Variants in WNT3 observed in about 807,000 individuals in gnomAD.
The protein encoded by WNT3 is proto-oncogene Wnt-3.
WNT3 carries 7 observed loss-of-function variants against 34.2 expected under a neutral mutation model. The ratio of observed to expected loss-of-function variants is 0.20; its 90% CI spans 0.12 to 0.38. The LOEUF is 0.38. WNT3 is among the 10% of genes least tolerant of loss of function. The pLI, the probability that WNT3 is intolerant of heterozygous loss-of-function variation, is 1.00. For missense variants in WNT3, 267 were observed against 499.8 expected, an observed-to-expected ratio of 0.53 and a Z score of 4.44; for synonymous variants, 212 against 211.5, an observed-to-expected ratio of 1.00 and a Z score of -0.02.
At chr17:46,771,310 T>C (rs916165773) in intron 2 of WNT3, among the ~76,000 whole-genome samples, 3 of 151,798 alleles carry the variant, frequency 2.0e-5, no homozygotes, top group African/African-American at 7.3e-5. Context: ...GGCCTCGGGG[T>C]CCCAGCCGCG....
At chr17:46,813,261 A>G (rs902709038) in intron 1 of WNT3, among the ~76,000 whole-genome samples, 2 of 151,852 alleles carry the variant, frequency 1.3e-5, no homozygotes, top group African/African-American at 4.8e-5. Flanking sequence ...GGACCCCTCC[A>G]TGTGGTTAAG....
intron 4 of WNT3, among the ~76,000 whole-genome samples, chr17:46,767,782 T>G (rs1047238415): frequency 2.0e-5 from 3 of 151,828 alleles, no homozygotes; most frequent in Non-Finnish European, 4.4e-5. Context: ...TGTTTTTTTT[T>G]GTTTGTTTGT....
chr17:46,764,828 G>C (rs1444227282), intron 4 of WNT3, among the ~76,000 whole-genome samples: 1 of 152,166 alleles, frequency 6.6e-6, no homozygotes, highest in African/African-American at 2.4e-5. Flanking sequence ...GAGCAGTAAG[G>C]CTTTCGAGTC....
At chr17:46,806,715 G>A (rs1328268061) in intron 1 of WNT3, among the ~76,000 whole-genome samples, 1 of 152,260 alleles carries the variant, frequency 6.6e-6, no homozygotes, top group Non-Finnish European at 1.5e-5. Flanking sequence ...CAGGGACTGG[G>A]TGGGGTGACC....
intron 1 of WNT3, among the ~76,000 whole-genome samples, chr17:46,783,180 TG>T (rs1312873525): frequency 1.3e-5 from 2 of 151,228 alleles, no homozygotes; most frequent in Non-Finnish European, 3.0e-5. Context: ...GAGGGTAGAG[TG>T]GGTGCAGGCC....
intron 1 of WNT3, among the ~76,000 whole-genome samples, chr17:46,798,885 TA>T (rs2084088082): frequency 6.6e-6 from 1 of 151,868 alleles, no homozygotes; most frequent in African/African-American, 2.4e-5. Flanking sequence ...CCATCTCTAC[TA>T]AAAATACAAA....
At chr17:46,783,686 C>T (rs1298168453) in intron 1 of WNT3, among the ~76,000 whole-genome samples, 4 of 152,142 alleles carry the variant, frequency 2.6e-5, no homozygotes, top group Non-Finnish European at 5.9e-5. Context: ...GTCCTCACTG[C>T]CTCTGGAGGG....
At chr17:46,801,578 C>T (rs905201441) in intron 1 of WNT3, among the ~76,000 whole-genome samples, 1 of 125,086 alleles carries the variant, frequency 8.0e-6, no homozygotes, top group African/African-American at 3.0e-5. Context: ...TGTGATTGCG[C>T]CATTACACTC....
intron 4 of WNT3, among the ~76,000 whole-genome samples, chr17:46,766,321 T>C (rs1029574172): frequency 6.6e-6 from 1 of 151,140 alleles, no homozygotes; most frequent in African/African-American, 2.4e-5. Flanking sequence ...GGCAGGAGAA[T>C]CGCTTGAACC....
At chr17:46,774,898 A>C (rs1456591782) in intron 1 of WNT3, among the ~76,000 whole-genome samples, 4 of 152,222 alleles carry the variant, frequency 2.6e-5, no homozygotes, top group African/African-American at 9.7e-5. Context: ...GGACAATTGC[A>C]ATCTGCTGTA....
chr17:46,764,669 G>A (rs765368855), intron 4 of WNT3, 48 bp from the exon 5 acceptor site: 5 of 152,254 alleles, frequency 3.3e-5, no homozygotes, highest in African/African-American at 1.2e-4. Flanking sequence ...TCCATTCCCA[G>A]AGACCACCCA....
In WNT3 at chr17:46,769,960, G is replaced by A. The variant is rs2059348946; in HGVS notation, c.411C>T (p.Thr137=). The change falls in exon 3 of 5, where the codon ACC becomes ACT. Residue 137 remains threonine, a synonymous_variant. Transcript: ENST00000225512. ...VTRSCAEGTS[T]ICGCDSHHKG... ...TATGATGCGAGTCACAGCCGCAAAT[G>A]GTGGAGGTGCCCTCGGCGCAGGAGC... is the stretch of plus-strand genomic sequence containing the variant. 1 of 1,612,902 alleles carries A rather than the reference G, an allele frequency of 6.2e-7. No individual in the cohort carries two copies. The highest frequency in any genetic ancestry group is 8.5e-7 in the Non-Finnish European group (1 of 1,179,696).
chr17:46,784,456 G>T (rs1294255174), intron 1 of WNT3, among the ~76,000 whole-genome samples: 1 of 152,106 alleles, frequency 6.6e-6, no homozygotes, highest in East Asian at 1.9e-4. Context: ...TCTTGGCTGT[G>T]GGCACACGGT....
intron 2 of WNT3, among the ~76,000 whole-genome samples, chr17:46,771,551 T>A (rs1200837180): frequency 6.7e-6 from 1 of 148,368 alleles, no homozygotes; most frequent in Non-Finnish European, 1.5e-5. Context: ...AGCCCCGCTG[T>A]GCCTTCCCCG....
At chr17:46,790,457 C>T (rs1385712416) in intron 1 of WNT3, among the ~76,000 whole-genome samples, 2 of 152,054 alleles carry the variant, frequency 1.3e-5, no homozygotes, top group African/African-American at 2.4e-5. Flanking sequence ...TCCTCCCTCC[C>T]TCCCTCAAGG....
Position 46,765,541 on chromosome 17 carries a change from C to T in WNT3, c.*9-920G>A, listed in dbSNP as rs531050079. ...GGCCCGGGGCCTGCTCTGCGACTCC[C>T]TTCTCTCTCCTGCCTGCACTGCCAA... On this transcript the variant is annotated intron_variant, in intron 4 of 4. Coordinates refer to ENST00000225512, the MANE Select transcript of WNT3 (RefSeq NM_030753.5). Among the ~76,000 whole-genome samples, 105 of 152,358 alleles carry T rather than the reference C, an allele frequency of 6.9e-4. 1 individual carries two copies. Among genetic ancestry groups the T allele is most frequent in the African/African-American group, 2.4e-3 (98 of 41,598 alleles).
chr17:46,787,540 A>G (rs765739638), intron 1 of WNT3, among the ~76,000 whole-genome samples: 1 of 151,766 alleles, frequency 6.6e-6, no homozygotes, highest in Non-Finnish European at 1.5e-5. Flanking sequence ...AGGCCTGCTG[A>G]CTCCCAGCCA....
intron 2 of WNT3, among the ~76,000 whole-genome samples, chr17:46,771,884 C>T (rs2059376352): frequency 6.9e-6 from 1 of 144,590 alleles, no homozygotes; most frequent in African/African-American, 2.5e-5. Context: ...CGGCGCCCGC[C>T]CCCGCCCCTG....
intron 1 of WNT3, among the ~76,000 whole-genome samples, chr17:46,806,805 T>C (rs1011666319): frequency 2.0e-5 from 3 of 152,074 alleles, no homozygotes; most frequent in Admixed American, 6.5e-5. Flanking sequence ...GCTGGGTGAA[T>C]GGGGAGATCC....
Sources: allele counts gnomAD v4.1 joint callset (sites outside exome capture counted in the v4.1 genomes callset), GRCh38; gene constraint gnomAD v4.1.1; transcripts MANE v1.5; gene names NCBI Gene and HGNC (gene_info 2026-07-23, HGNC 2026-07-21).